Variants in NCKAP5 observed in about 807,000 individuals in gnomAD.
The protein encoded by NCKAP5 is NCK associated protein 5, also known as nck-associated protein 5.
Under a neutral mutation model 167.0 loss-of-function variants are expected in NCKAP5, and 92 were observed. The ratio of observed to expected loss-of-function variants is 0.55; its 90% confidence interval spans 0.47 to 0.66. The LOEUF (loss-of-function observed/expected upper bound fraction) is 0.66. NCKAP5 is among the 30% of genes least tolerant of loss of function. The pLI, the probability that NCKAP5 is intolerant of heterozygous loss-of-function variation, is 0.00. For synonymous variants in NCKAP5, 891 were observed against 877.4 expected, an observed-to-expected ratio of 1.02 and a Z score of -0.27; for missense variants, 2,378 against 2,315.0, an observed-to-expected ratio of 1.03 and a Z score of -0.56.
intron 6 of NCKAP5, among the ~76,000 whole-genome samples, chr2:133,042,486 G>T (rs549155809): frequency 3.5e-4 from 54 of 152,236 alleles, no homozygotes; most frequent in Middle Eastern, 3.4e-3. Context: ...TGAAGCCAAA[G>T]AATTTGTTTG....
chr2:132,709,449 T>C (rs1343768609), intron 19 of NCKAP5, among the ~76,000 whole-genome samples: 1 of 151,810 alleles, frequency 6.6e-6, no homozygotes, highest in Non-Finnish European at 1.5e-5. Flanking sequence ...GGCAAACCAC[T>C]AGGAAGTCTT....
At chr2:133,533,901 G>A (rs888936037) in intron 2 of NCKAP5, among the ~76,000 whole-genome samples, 1 of 152,048 alleles carries the variant, frequency 6.6e-6, no homozygotes, top group South Asian at 2.1e-4. Flanking sequence ...ACATGCCTCT[G>A]TAATCTTTCA....
Position 132,994,218 on chromosome 2 carries a change from A to G in NCKAP5, c.363T>C (p.Asn121=), listed in dbSNP as rs1277124879. The stretch of plus-strand genomic sequence containing the variant: ...CTGGAGATCCTTGACTCTGCAATAG[A>G]TTTCGTACTGTTTCTTCCATCCTGA... The part of the protein sequence containing the change: ...QFSRMEETVR[N]LLQSQGSPEQ... Residue 121 remains asparagine, a synonymous_variant, in exon 7 of 20, where the codon AAT becomes AAC. Coordinates refer to ENST00000409261, the MANE Select transcript of NCKAP5 (RefSeq NM_207363.3). 6.3e-7 allele frequency: 1 copy of G among 1,588,640 alleles called. No individual in the cohort carries two copies. The highest frequency in any genetic ancestry group is 8.6e-7 in the Non-Finnish European group (1 of 1,166,630).
At position 132,794,263 on chromosome 2, in the gene NCKAP5, T is replaced by TAG. The variant is rs70973407; in HGVS notation, c.909+2363_909+2364dup. On this transcript the variant is annotated intron_variant, in intron 12 of 19. Coordinates refer to ENST00000409261, the MANE Select transcript of NCKAP5 (RefSeq NM_207363.3). The stretch of plus-strand genomic sequence containing the variant: ...ATATATATATATATATATATATATA[T>TAG]AGAGAGAGAGAGAGAGAGAGAGAGA... 4.9e-3 allele frequency among the ~76,000 whole-genome samples: 58 copies of TAG among 11,914 alleles called. 1 individual carries two copies. The highest frequency in any genetic ancestry group is 8.5e-3 in the East Asian group (3 of 352). 7.8% of individuals were successfully genotyped at this position (11,914 alleles called of 152,430 possible).
At chr2:133,035,989 A>C (rs1191709931) in intron 6 of NCKAP5, among the ~76,000 whole-genome samples, 6 of 151,966 alleles carry the variant, frequency 3.9e-5, no homozygotes, top group Non-Finnish European at 8.8e-5. Flanking sequence ...ATGATAAAAG[A>C]GACATTATAA....
At chr2:133,436,827 C>T (rs546779928) in intron 3 of NCKAP5, among the ~76,000 whole-genome samples, 11 of 152,224 alleles carry the variant, frequency 7.2e-5, no homozygotes, top group Admixed American at 2.6e-4. Context: ...CTGGATGCCC[C>T]GTTGCCTATG....
At chr2:133,206,467 A>G (rs1211160632) in intron 5 of NCKAP5, among the ~76,000 whole-genome samples, 1 of 152,134 alleles carries the variant, frequency 6.6e-6, no homozygotes, top group Admixed American at 6.5e-5. Context: ...TTCCCTAATA[A>G]TACTCTTATA....
chr2:133,544,262 A>G (rs1686468441), intron 2 of NCKAP5, among the ~76,000 whole-genome samples: 1 of 152,218 alleles, frequency 6.6e-6, no homozygotes, highest in East Asian at 1.9e-4. Flanking sequence ...AGAATATTCT[A>G]TTATTAAAAT....
chr2:133,175,647 T>C (rs2084428350), intron 5 of NCKAP5, among the ~76,000 whole-genome samples: 1 of 152,202 alleles, frequency 6.6e-6, no homozygotes, highest in African/African-American at 2.4e-5. Flanking sequence ...TATATTTCAC[T>C]TGGAGTCACT....
chr2:133,221,035 T>A (rs924708738), intron 4 of NCKAP5, among the ~76,000 whole-genome samples: 1 of 150,566 alleles, frequency 6.6e-6, no homozygotes, highest in South Asian at 2.1e-4. Flanking sequence ...ATACCCTATA[T>A]ATGCAACGCA....
chr2:133,630,961 G>A, the NCKAP5 span, among the ~76,000 whole-genome samples: 1 of 152,146 alleles, frequency 6.6e-6, no homozygotes, highest in Admixed American at 6.5e-5. Context: ...CAATGTATAT[G>A]TGAAAGATGT....
At chr2:133,538,274 T>A (rs182298781) in intron 2 of NCKAP5, among the ~76,000 whole-genome samples, 14 of 152,340 alleles carry the variant, frequency 9.2e-5, no homozygotes, top group Admixed American at 7.8e-4. Flanking sequence ...GGTTACTTTG[T>A]CTTTTCCTTA....
chr2:133,589,999 T>A, the NCKAP5 span, among the ~76,000 whole-genome samples: 5 of 152,170 alleles, frequency 3.3e-5, no homozygotes, highest in Non-Finnish European at 7.4e-5. Flanking sequence ...TGAAGCCTCC[T>A]TTGCCCTGCA....
At chr2:133,023,440 TGATTTTTTA>T (rs2149398491) in intron 6 of NCKAP5, among the ~76,000 whole-genome samples, 1 of 152,364 alleles carries the variant, frequency 6.6e-6, no homozygotes, top group South Asian at 2.1e-4. Context: ...TTATCTTTAT[TGATTTTTTA>T]TAATTGTACA....
chr2:133,354,762 T>G (rs558230298), intron 3 of NCKAP5, among the ~76,000 whole-genome samples: 7 of 152,284 alleles, frequency 4.6e-5, no homozygotes, highest in Non-Finnish European at 1.0e-4. Context: ...ACATTAAAGT[T>G]ATACAGGAAG....
intron 14 of NCKAP5, among the ~76,000 whole-genome samples, chr2:132,781,562 A>T (rs1041289499): frequency 4.6e-5 from 7 of 152,186 alleles, no homozygotes; most frequent in Admixed American, 3.3e-4. Context: ...TTCCAAGTAT[A>T]TGTTTGCTAG....
chr2:132,993,526 G>A (rs1427948937), intron 7 of NCKAP5, among the ~76,000 whole-genome samples: 1 of 152,184 alleles, frequency 6.6e-6, no homozygotes, highest in Admixed American at 6.5e-5. Context: ...CTTGTTGCCT[G>A]AGATGCAAGG....
At chr2:133,568,738 T>C (rs144468609), upstream of NCKAP5, among the ~76,000 whole-genome samples, 3 of 152,302 alleles carry the variant, frequency 2.0e-5, no homozygotes, top group African/African-American at 7.2e-5. Context: ...GCTGGAGACC[T>C]GGAGGAAAAG....
intron 2 of NCKAP5, among the ~76,000 whole-genome samples, chr2:133,522,091 T>A (rs1209786977): frequency 2.0e-5 from 3 of 152,172 alleles, no homozygotes; most frequent in African/African-American, 4.8e-5. Context: ...AATGTTGAAT[T>A]CTGCTAATGG....
Sources: allele counts gnomAD v4.1 joint callset (sites outside exome capture counted in the v4.1 genomes callset), GRCh38; gene constraint gnomAD v4.1.1; transcripts MANE v1.5; gene names NCBI Gene and HGNC (gene_info 2026-07-23, HGNC 2026-07-21).